The following MTA3 variants were observed in gnomAD, a reference collection of about 807,000 sequenced individuals.
The protein encoded by MTA3 is metastasis associated 1 family member 3.
Under a neutral mutation model 83.5 loss-of-function variants are expected in MTA3, and 34 were observed. The ratio of observed to expected loss-of-function variants is 0.41; its 90% CI spans 0.31 to 0.54. The LOEUF (loss-of-function observed/expected upper bound fraction) is 0.54, where lower values mean the gene tolerates loss of function less well. MTA3 is among the 20% of genes least tolerant of loss of function. The pLI is 0.33. For missense variants in MTA3, 761 were observed against 726.4 expected (o/e 1.05, Z -0.55); for synonymous variants, 303 against 252.7 (o/e 1.20, Z -1.89).
At chr2:42,525,636 T>G (rs1675672956) in intron 2 of MTA3, among the ~76,000 whole-genome samples, 1 of 149,134 alleles carries the variant, frequency 6.7e-6, no homozygotes, top group Non-Finnish European at 1.5e-5. Context: ...CTTTCTTTCT[T>G]TCTTTCTTTC....
At position 42,708,019 on chromosome 2, in the gene MTA3, G is replaced by A. The variant is rs777717327; in HGVS notation, c.1267G>A (p.Glu423Lys). The A allele has an allele frequency of 6.2e-7, 1 of 1,612,164 alleles. No individual in the cohort carries two copies. The highest frequency in any genetic ancestry group is 8.5e-7 in the Non-Finnish European group (1 of 1,179,468). Residue 423 changes from glutamate to lysine, a missense_variant, in exon 13 of 17, where the codon GAA (glutamate) becomes AAA (lysine). Glu to Lys is a moderately conservative substitution (Grantham distance 56). Coordinates refer to ENST00000405094, the MANE Select transcript of MTA3 (RefSeq NM_001330442.2). Reference sequence around the variant, plus strand: ...AGGCTTGAAAATGCCCACCCAGTCAGAAGAAGAGAAGTTATCTCCTAGCCC... The same window carrying A: ...AGGCTTGAAAATGCCCACCCAGTCAAAAGAAGAGAAGTTATCTCCTAGCCC... ...YGGLKMPTQS[E>K]EEKLSPSPTT...
At chr2:42,570,373 C>G (rs1573003895) in intron 1 of MTA3, 64 bp from the exon 2 acceptor site, 1 of 1,042,830 alleles carries the variant, frequency 9.6e-7, no homozygotes. Context: ...CATAAAAAGT[C>G]TTGGATTGAC....
rs78651314 is a variant in MTA3, at chr2:42,524,902, C to T, written c.-141+29648C>T. Among the ~76,000 whole-genome samples, 25 of 149,066 alleles carry T rather than the reference C, an allele frequency of 1.7e-4. No individual in the cohort carries two copies. The East Asian group carries it at 3.1e-3, about 19-fold the overall frequency. ...GGCCTGAAGGCATCCTGGCGGGGAC[C>T]GAATACTCCATGACCACACAGTTGA... is the stretch of plus-strand genomic sequence containing the variant. On this transcript the variant is annotated intron_variant, in intron 2 of 17. Transcript: ENST00000405592.
At chr2:42,514,045 C>G (rs1388033811) in intron 2 of MTA3, among the ~76,000 whole-genome samples, 1 of 152,176 alleles carries the variant, frequency 6.6e-6, no homozygotes, top group Non-Finnish European at 1.5e-5. Flanking sequence ...GAAACCCCAT[C>G]TTTACTAAAA....
intron 16 of MTA3, among the ~76,000 whole-genome samples, chr2:42,729,570 T>C (rs1048684082): frequency 2.0e-5 from 3 of 152,216 alleles, no homozygotes; most frequent in African/African-American, 7.2e-5. Context: ...GGCACCATTG[T>C]TTTAAATGAG....
chr2:42,741,699 T>G (rs1669041984), intron 16 of MTA3, among the ~76,000 whole-genome samples: 1 of 151,918 alleles, frequency 6.6e-6, no homozygotes, highest in African/African-American at 2.4e-5. Flanking sequence ...AGAGCTCCAC[T>G]CAAGAAAGAA....
chr2:42,593,663 C>T (rs902901842), intron 3 of MTA3, among the ~76,000 whole-genome samples: 2 of 151,566 alleles, frequency 1.3e-5, no homozygotes, highest in South Asian at 2.1e-4. Context: ...ATTTAGTACT[C>T]GGAGGACTAT....
intron 2 of MTA3, among the ~76,000 whole-genome samples, chr2:42,520,636 A>G (rs1244793047): frequency 6.6e-6 from 1 of 151,478 alleles, no homozygotes; most frequent in Admixed American, 6.6e-5. Context: ...GCTGGAGTCC[A>G]GTGGCCTGAT....
At chr2:42,504,017 G>A (rs998983978) in intron 2 of MTA3, among the ~76,000 whole-genome samples, 1 of 136,610 alleles carries the variant, frequency 7.3e-6, no homozygotes, top group Non-Finnish European at 1.5e-5. Flanking sequence ...TCCACCTCCC[G>A]GGTTCAAGCG....
chr2:42,579,271 T>A (rs922532332), intron 3 of MTA3, 71 bp downstream of exon 3: 26 of 1,128,600 alleles, frequency 2.3e-5, no homozygotes, highest in Non-Finnish European at 3.0e-5. Flanking sequence ...GGAAACATGC[T>A]TTTTCTTACC....
chr2:42,528,154 T>A (rs1329822192), intron 2 of MTA3, among the ~76,000 whole-genome samples: 1 of 152,074 alleles, frequency 6.6e-6, no homozygotes, highest in Non-Finnish European at 1.5e-5. Context: ...CTCAATCTCC[T>A]GACCTCGGGA....
chr2:42,567,645 TG>T (rs1677977950), upstream of MTA3, among the ~76,000 whole-genome samples: 1 of 150,988 alleles, frequency 6.6e-6, no homozygotes, highest in African/African-American at 2.5e-5. Flanking sequence ...GATTCAACGT[TG>T]TTTTTTTTTT....
At chr2:42,535,399 CA>C (rs1231589956) in intron 2 of MTA3, among the ~76,000 whole-genome samples, 4 of 151,832 alleles carry the variant, frequency 2.6e-5, no homozygotes, top group Non-Finnish European at 2.9e-5. Flanking sequence ...AAAAAACAGA[CA>C]AACTTTTTTT....
At chr2:42,595,271 G>C (rs539244787) in intron 3 of MTA3, among the ~76,000 whole-genome samples, 1 of 145,456 alleles carries the variant, frequency 6.9e-6, no homozygotes, top group Non-Finnish European at 1.5e-5. Flanking sequence ...CACCATGCCC[G>C]GCTAATTTTT....
At chr2:42,732,156 G>A (rs1008211954) in intron 16 of MTA3, among the ~76,000 whole-genome samples, 1 of 152,152 alleles carries the variant, frequency 6.6e-6, no homozygotes, top group African/African-American at 2.4e-5. Context: ...CTCTGTGTGG[G>A]GACTCTGGCC....
At chr2:42,549,409 AAT>A (rs1345543985) in intron 2 of MTA3, among the ~76,000 whole-genome samples, 2 of 116,882 alleles carry the variant, frequency 1.7e-5, no homozygotes, top group African/African-American at 3.4e-5. Context: ...ATACGTATAT[AAT>A]ATATATTATA....
intron 2 of MTA3, among the ~76,000 whole-genome samples, chr2:42,527,155 G>A (rs548254606): frequency 6.6e-6 from 1 of 150,684 alleles, no homozygotes; most frequent in South Asian, 2.1e-4. Flanking sequence ...CTTTAACTTT[G>A]GGACTTTTGG....
At chr2:42,646,005 T>C (rs1688145231) in intron 6 of MTA3, among the ~76,000 whole-genome samples, 1 of 152,210 alleles carries the variant, frequency 6.6e-6, no homozygotes, top group African/African-American at 2.4e-5. Flanking sequence ...AGCTGGTGAC[T>C]TGAAGCCAAT....
rs528086194 is a variant in MTA3 at position 42,756,551 on chromosome 2, G to C, written c.*3152G>C. Reference sequence around the variant, plus strand: ...CCCACTGCTGTCCTAAGTCCCTGGCGAGGGGAGGTGGAGGAGCTGCCCCGT... The same window carrying C: ...CCCACTGCTGTCCTAAGTCCCTGGCCAGGGGAGGTGGAGGAGCTGCCCCGT... On this transcript the variant is annotated 3_prime_UTR_variant, in exon 17 of 17. Transcript: ENST00000405094. 2 of 985,856 alleles carry C rather than the reference G, an allele frequency of 2.0e-6. No homozygotes were observed. The highest frequency in any genetic ancestry group is 2.4e-6 in the Non-Finnish European group (2 of 830,220). The allele number at this position is 985,856 out of a possible 1,614,324, so 61.1% of individuals were successfully genotyped here. A position where few individuals can be genotyped will look rare whatever the true frequency, so the allele number is the denominator to read the frequency against.
Sources: gnomAD v4.1 joint callset for allele counts (sites outside exome capture counted in the v4.1 genomes callset) on GRCh38, gnomAD v4.1.1 for gene constraint, MANE v1.5 for transcripts, NCBI Gene and HGNC (gene_info 2026-07-23, HGNC 2026-07-21) for gene names.